Variants in FCAR observed in about 807,000 individuals in gnomAD.
FCAR encodes the protein Fc alpha receptor, also known as immunoglobulin alpha Fc receptor.
FCAR carries 21 observed loss-of-function variants against 27.1 expected under a neutral mutation model. The ratio of observed to expected loss-of-function variants is 0.77; its 90% confidence interval spans 0.55 to 1.11. The LOEUF (loss-of-function observed/expected upper bound fraction) is 1.11. FCAR is among the 50% of genes most tolerant of loss of function. The pLI is 0.00. For synonymous variants in FCAR, 134 were observed against 135.8 expected, an observed-to-expected ratio of 0.99 and a Z score of 0.09; for missense variants, 404 against 358.4, an observed-to-expected ratio of 1.13 and a Z score of -1.03.
At chr19:54,888,925 G>C (rs62123425) in intron 4 of FCAR, 1 of 983,956 alleles carries the variant, frequency 1.0e-6, no homozygotes, top group Admixed American at 6.2e-5. Context: ...CTGCCTGGCC[G>C]GGCGTGGTGG....
At chr19:54,881,311 T>G (rs1256405649) in intron 2 of FCAR, among the ~76,000 whole-genome samples, 2 of 152,066 alleles carry the variant, frequency 1.3e-5, no homozygotes, top group Admixed American at 1.3e-4. Flanking sequence ...GAGGTGTGGT[T>G]GAAGCACTCA....
intron 2 of FCAR, among the ~76,000 whole-genome samples, chr19:54,882,493 T>A (rs1437522312): frequency 1.3e-5 from 2 of 151,784 alleles, no homozygotes; most frequent in Non-Finnish European, 2.9e-5. Context: ...TGGAGTGCAG[T>A]GGCACGATCT....
At chr19:54,887,442 G>A (rs1194826903) in intron 3 of FCAR, among the ~76,000 whole-genome samples, 1 of 151,900 alleles carries the variant, frequency 6.6e-6, no homozygotes, top group Non-Finnish European at 1.5e-5. Context: ...CCAACATGGA[G>A]AAACCTCATC....
intron 1 of FCAR, among the ~76,000 whole-genome samples, 187 bp from the exon 2 acceptor site, chr19:54,875,143 C>T (rs2066020248): frequency 6.6e-6 from 1 of 150,664 alleles, no homozygotes; most frequent in South Asian, 2.1e-4. Flanking sequence ...TGCACTCCAG[C>T]TTGGGCGACA....
chr19:54,874,891 C>G (rs551732755), intron 1 of FCAR, among the ~76,000 whole-genome samples: 1 of 152,096 alleles, frequency 6.6e-6, no homozygotes, highest in Admixed American at 6.5e-5. Flanking sequence ...CTCTTCTTGG[C>G]CGGGCGCAGT....
At chr19:54,881,680 G>A (rs1368832110) in intron 2 of FCAR, among the ~76,000 whole-genome samples, 2 of 152,044 alleles carry the variant, frequency 1.3e-5, no homozygotes, top group Non-Finnish European at 1.5e-5. Flanking sequence ...AGACCATCCT[G>A]GCTAATCTGG....
chr19:54,884,140 C>CG (rs1177916686), intron 2 of FCAR, among the ~76,000 whole-genome samples: 2 of 152,118 alleles, frequency 1.3e-5, no homozygotes, highest in African/African-American at 4.8e-5. Context: ...GCCACGACCC[C>CG]GGGCAGAGTT....
At chr19:54,881,372 A>T (rs73932252) in intron 2 of FCAR, among the ~76,000 whole-genome samples, 5 of 152,142 alleles carry the variant, frequency 3.3e-5, no homozygotes, top group South Asian at 2.1e-4. Flanking sequence ...GTACCACCGC[A>T]GTGGCAGCGG....
In FCAR at chr19:54,889,752, C is replaced by T. The variant is rs781322512; in HGVS notation, c.753C>T (p.Ser251=). Residue 251 remains serine, a synonymous_variant, in exon 5 of 5, where the codon AGC becomes AGT. Coordinates refer to ENST00000355524, the MANE Select transcript of FCAR (RefSeq NM_002000.4). ...CCATACTGGTTGAAAATTGGCACAG[C>T]CATACGGCACTGAACAAGGAAGCCT... ...LLAILVENWH[S]HTALNKEASA... 3.1e-6 allele frequency: 5 copies of T among 1,613,966 alleles called. No homozygotes were observed. The highest frequency in any genetic ancestry group is 4.2e-6 in the Non-Finnish European group (5 of 1,179,918).
At position 54,885,153 on chromosome 19, in the gene FCAR, T is replaced by C. The variant is rs970178604; in HGVS notation, c.71-82T>C. On this transcript the variant is annotated intron_variant, in intron 2 of 4. Transcript: ENST00000355524. ...ATGGTAGGTTCTTCACACCCTAATG[T>C]ATTTTTACTTCTCCCACAGAGAAGG... The C allele has an allele frequency of 8.1e-6, 10 of 1,236,674 alleles. No homozygotes were observed. In the African/African-American group the frequency reaches 9.1e-5, roughly 11 times the overall value. 76.6% of individuals were successfully genotyped at this position (1,236,674 alleles called of 1,614,324 possible).
At chr19:54,884,298 C>A (rs2066581950) in intron 2 of FCAR, among the ~76,000 whole-genome samples, 2 of 152,120 alleles carry the variant, frequency 1.3e-5, no homozygotes, top group Non-Finnish European at 2.9e-5. Flanking sequence ...GGGGTCAATG[C>A]CTGCGGAGGT....
chr19:54,878,751 ATT>A (rs57738807), intron 2 of FCAR, among the ~76,000 whole-genome samples: 4,582 of 121,584 alleles, frequency 0.038, 100 homozygotes, highest in Middle Eastern at 0.09. Flanking sequence ...CAGCTCCTGC[ATT>A]TTTTTTTTTT....
chr19:54,882,928 T>TG lies in FCAR; in HGVS notation c.71-2306dup, dbSNP rs1334866383. On this transcript the variant is annotated intron_variant, in intron 2 of 4. Coordinates refer to ENST00000355524, the MANE Select transcript of FCAR (RefSeq NM_002000.4). ...TTTTTCAGTGTTGTATTTTGAAGTG[T>TG]GATCCAGTAGGTGGCACTTAAAAGG... Among the ~76,000 whole-genome samples, 3 of 152,172 alleles carry TG rather than the reference T, an allele frequency of 2.0e-5. No individual in the cohort carries two copies. In the East Asian group the frequency reaches 5.8e-4, roughly 29 times the overall value.
At position 54,880,566 on chromosome 19, in the gene FCAR, A is replaced by ACTTCCC. The variant is rs1240058202; in HGVS notation, c.71-4669_71-4668insCTTCCC. Reference sequence around the variant, plus strand: ...CTATTTCTGTCATTTCAGCCAGGTAAAGAGCCCTTGCTGGGAAGCTTGTGT... The same window carrying ACTTCCC: ...CTATTTCTGTCATTTCAGCCAGGTAACTTCCCAGAGCCCTTGCTGGGAAGCTTGTGT... On this transcript the variant is annotated intron_variant, in intron 2 of 4. Coordinates refer to ENST00000355524, the MANE Select transcript of FCAR (RefSeq NM_002000.4). Among the ~76,000 whole-genome samples the ACTTCCC allele has an allele frequency of 1.2e-4, 19 of 152,316 alleles. No homozygotes were observed. The East Asian group carries it at 3.7e-3, about 29-fold the overall frequency.
In FCAR at chr19:54,889,755, T is replaced by C. The variant is rs201910524; in HGVS notation, c.756T>C (p.His252=). The part of the protein sequence containing the change: ...LAILVENWHS[H]TALNKEASAD... ...TACTGGTTGAAAATTGGCACAGCCA[T>C]ACGGCACTGAACAAGGAAGCCTCGG... Residue 252 remains histidine (H), a synonymous_variant, in exon 5 of 5, where the codon CAT becomes CAC. Coordinates refer to ENST00000355524, the MANE Select transcript of FCAR (RefSeq NM_002000.4). 9.3e-6 allele frequency: 15 copies of C among 1,614,030 alleles called. No homozygotes were observed. The East Asian group carries it at 2.0e-4, about 22-fold the overall frequency.
intron 2 of FCAR, among the ~76,000 whole-genome samples, chr19:54,878,985 T>C (rs998283564): frequency 1.3e-5 from 2 of 151,300 alleles, no homozygotes; most frequent in Admixed American, 6.6e-5. Flanking sequence ...TTCAAATGAT[T>C]CTCCTGCCTC....
intron 3 of FCAR, 66 bp from the exon 4 acceptor site, chr19:54,887,941 T>G: frequency 1.6e-6 from 2 of 1,235,878 alleles, no homozygotes; most frequent in Non-Finnish European, 2.2e-6. Flanking sequence ...ATAATAACAA[T>G]AATAAGAAGA....
intron 2 of FCAR, among the ~76,000 whole-genome samples, chr19:54,877,165 G>C (rs1474334915): frequency 1.3e-5 from 2 of 152,164 alleles, no homozygotes; most frequent in African/African-American, 4.8e-5. Context: ...GAACGTTTCA[G>C]TAGGTATAGT....
At chr19:54,885,108 A>C (rs972479854) in intron 2 of FCAR, 127 bp from the exon 3 acceptor site, 10 of 865,966 alleles carry the variant, frequency 1.2e-5, no homozygotes, top group Admixed American at 2.9e-5. Flanking sequence ...ACCCGGCCTA[A>C]ATTTTTTTTT....
Sources: gnomAD v4.1 joint callset for allele counts (sites outside exome capture counted in the v4.1 genomes callset) on GRCh38, gnomAD v4.1.1 for gene constraint, MANE v1.5 for transcripts, NCBI Gene and HGNC (gene_info 2026-07-23, HGNC 2026-07-21) for gene names.